Variants in BLTP1 observed in about 807,000 individuals in gnomAD.
BLTP1 encodes bridge-like lipid transfer protein family member 1, also known as fragile site-associated protein.
chr4:122,249,812 A>C, the BLTP1 span: 1 of 1,427,156 alleles, frequency 7.0e-7, no homozygotes, highest in East Asian at 2.5e-5. Flanking sequence ...GGTATCTGGG[A>C]TTATTTACCG....
chr4:122,177,146 A>C, the BLTP1 span, among the ~76,000 whole-genome samples: 3 of 152,162 alleles, frequency 2.0e-5, no homozygotes, highest in Non-Finnish European at 4.4e-5. Flanking sequence ...CAAACACCTG[A>C]TCTTCCCACC....
chr4:122,250,249 A>G, the BLTP1 span: 1 of 1,151,766 alleles, frequency 8.7e-7, no homozygotes, highest in Non-Finnish European at 1.2e-6. Context: ...GATTAGGGCA[A>G]AGACTTGGTG....
At chr4:122,212,366 C>T in the BLTP1 span, among the ~76,000 whole-genome samples, 1 of 152,054 alleles carries the variant, frequency 6.6e-6, no homozygotes, top group Non-Finnish European at 1.5e-5. Context: ...AAATGTATGT[C>T]AAATATGTCT....
At chr4:122,183,941 A>C in the BLTP1 span, among the ~76,000 whole-genome samples, 1 of 152,122 alleles carries the variant, frequency 6.6e-6, no homozygotes, top group Non-Finnish European at 1.5e-5. Context: ...TTTCAAAATC[A>C]TAAACCAGCT....
At chr4:122,155,448 C>T in the BLTP1 span, among the ~76,000 whole-genome samples, 29 of 151,908 alleles carry the variant, frequency 1.9e-4, no homozygotes, top group African/African-American at 5.3e-4. Context: ...CTCAAGCTCC[C>T]GAGTAGCTGG....
At chr4:122,259,820 C>G in the BLTP1 span, 2 of 360,510 alleles carry the variant, frequency 5.5e-6, no homozygotes, top group Non-Finnish European at 7.7e-6. Flanking sequence ...GATCCTGCCA[C>G]TGCACTCCAG....
At chr4:122,291,806 G>A in the BLTP1 span, 3 of 979,018 alleles carry the variant, frequency 3.1e-6, no homozygotes, top group South Asian at 9.5e-5. Context: ...GTCTCTTATG[G>A]TTCCATAAGC....
the BLTP1 span, chr4:122,347,504 T>C: frequency 6.3e-7 from 1 of 1,594,320 alleles, no homozygotes; most frequent in Non-Finnish European, 8.5e-7. Context: ...TTTGTTTGTT[T>C]TGTTTGTTTT....
the BLTP1 span, chr4:122,341,854 C>T: frequency 4.1e-6 from 4 of 982,106 alleles, no homozygotes; most frequent in Non-Finnish European, 4.8e-6. Flanking sequence ...TAAATGGAAA[C>T]GTGAAGTAAG....
chr4:122,240,595 G>A, the BLTP1 span, among the ~76,000 whole-genome samples: 1 of 152,154 alleles, frequency 6.6e-6, no homozygotes, highest in Non-Finnish European at 1.5e-5. Flanking sequence ...CACATATTCT[G>A]TGTCTGCATT....
the BLTP1 span, chr4:122,272,301 G>T: frequency 6.2e-7 from 1 of 1,613,294 alleles, no homozygotes. Flanking sequence ...TTTGGGATTG[G>T]CATGGTGAAC....
chr4:122,239,537 A>G, the BLTP1 span: 2 of 1,586,448 alleles, frequency 1.3e-6, no homozygotes, highest in African/African-American at 2.7e-5. Flanking sequence ...AAATTTCAGG[A>G]AACAGCCCTG....
chr4:122,274,775 C>A, the BLTP1 span: 1 of 228,514 alleles, frequency 4.4e-6, no homozygotes, highest in African/African-American at 2.3e-5. Context: ...TCCTGTAACA[C>A]ATCCAACATG....
the BLTP1 span, among the ~76,000 whole-genome samples, chr4:122,166,139 A>G: frequency 2.0e-5 from 3 of 152,020 alleles, no homozygotes; most frequent in African/African-American, 4.8e-5. Flanking sequence ...TAGACATGAA[A>G]TCCTTGCCCA....
chr4:122,340,655 C>T, the BLTP1 span: 3 of 919,464 alleles, frequency 3.3e-6, no homozygotes, highest in Non-Finnish European at 3.9e-6. Flanking sequence ...AATTGGAAAA[C>T]AAAAAGGCTG....
the BLTP1 span, chr4:122,154,388 G>A: frequency 1.0e-6 from 1 of 984,800 alleles, no homozygotes; most frequent in Non-Finnish European, 1.2e-6. Context: ...GTGGTGATAT[G>A]TAATGTAACC....
the BLTP1 span, chr4:122,287,485 T>C: frequency 1.5e-6 from 1 of 653,088 alleles, no homozygotes; most frequent in East Asian, 1.4e-4. Flanking sequence ...AGCTATCAAC[T>C]GAGAGAGGCA....
At chr4:122,343,586 C>A in the BLTP1 span, 1 of 1,613,916 alleles carries the variant, frequency 6.2e-7, no homozygotes, top group South Asian at 1.1e-5. Flanking sequence ...TGTTTCTGGC[C>A]TCACACCTGG....
chr4:122,225,151 C>A, the BLTP1 span: 1 of 435,968 alleles, frequency 2.3e-6, no homozygotes, highest in Non-Finnish European at 3.1e-6. Flanking sequence ...TGTCATGTCC[C>A]AAAGCAAGAT....
Sources: allele counts gnomAD v4.1 joint callset (sites outside exome capture counted in the v4.1 genomes callset), GRCh38; gene constraint gnomAD v4.1.1; transcripts MANE v1.5; gene names NCBI Gene and HGNC (gene_info 2026-07-23, HGNC 2026-07-21).